MNAT1: variants seen among roughly 807,000 people sequenced by gnomAD.
The protein encoded by MNAT1 is CDK-activating kinase assembly factor MAT1.
A neutral mutation model predicts 42.0 loss-of-function variants in MNAT1; 43 were observed. That is an observed-to-expected ratio of 1.02 (90% CI 0.80 to 1.32). MNAT1 has a LOEUF of 1.32. Among genes scored for constraint, MNAT1 ranks in the 40% most tolerant of loss-of-function variants. The pLI is 0.00. For synonymous variants in MNAT1, 118 were observed against 120.0 expected (o/e 0.98, Z 0.11); for missense variants, 306 against 350.4 (o/e 0.87, Z 1.01).
At chr14:60,813,937 C>A (rs574936351) in intron 5 of MNAT1, among the ~76,000 whole-genome samples, 3 of 152,098 alleles carry the variant, frequency 2.0e-5, no homozygotes, top group African/African-American at 7.2e-5. Context: ...GTATATTTTA[C>A]TTCTATATTT....
chr14:60,823,820 C>T (rs935341144), intron 6 of MNAT1, among the ~76,000 whole-genome samples: 3 of 151,674 alleles, frequency 2.0e-5, no homozygotes, highest in Admixed American at 6.6e-5. Context: ...GATTGTGCCA[C>T]TGCACCCTAG....
intron 7 of MNAT1, among the ~76,000 whole-genome samples, chr14:60,892,978 G>A (rs550586400): frequency 1.3e-5 from 2 of 152,090 alleles, no homozygotes; most frequent in African/African-American, 4.8e-5. Flanking sequence ...CTTAAATTAT[G>A]TAGAAAACAA....
chr14:60,908,459 T>C (rs1430591205), intron 7 of MNAT1, among the ~76,000 whole-genome samples: 1 of 152,144 alleles, frequency 6.6e-6, no homozygotes, highest in Non-Finnish European at 1.5e-5. Context: ...CTTCTAATGC[T>C]ATCCCTCCCC....
At chr14:60,826,915 G>T (rs2033072572) in intron 6 of MNAT1, among the ~76,000 whole-genome samples, 1 of 151,072 alleles carries the variant, frequency 6.6e-6, no homozygotes, top group Admixed American at 6.6e-5. Context: ...GATAATTTGT[G>T]TCAATAAATA....
intron 7 of MNAT1, among the ~76,000 whole-genome samples, chr14:60,934,461 C>A (rs1363575267): frequency 4.6e-5 from 7 of 152,022 alleles, no homozygotes; most frequent in Admixed American, 4.6e-4. Flanking sequence ...TGGGAGGGAC[C>A]CAGTAGGAGG....
intron 7 of MNAT1, among the ~76,000 whole-genome samples, chr14:60,927,591 AT>A (rs2035792852): frequency 6.6e-6 from 1 of 152,142 alleles, no homozygotes; most frequent in East Asian, 1.9e-4. Context: ...ATTCTTAATA[AT>A]TTTATGTTTA....
At chr14:60,910,780 A>G (rs1222573380) in intron 7 of MNAT1, among the ~76,000 whole-genome samples, 1 of 152,114 alleles carries the variant, frequency 6.6e-6, no homozygotes, top group Non-Finnish European at 1.5e-5. Context: ...TTGGTCTAAA[A>G]TTCTCTTTTT....
At chr14:60,741,639 G>A (rs1486600962) in intron 1 of MNAT1, among the ~76,000 whole-genome samples, 3 of 147,898 alleles carry the variant, frequency 2.0e-5, no homozygotes, top group East Asian at 2.0e-4. Context: ...GATTACAGGC[G>A]TGAGCCACTG....
chr14:60,928,320 C>T (rs1366065036), intron 7 of MNAT1, among the ~76,000 whole-genome samples: 6 of 152,102 alleles, frequency 3.9e-5, no homozygotes, highest in African/African-American at 1.4e-4. Context: ...ATTAATAATG[C>T]TGCTATAAAT....
At chr14:60,847,167 G>T (rs1299756632) in intron 6 of MNAT1, among the ~76,000 whole-genome samples, 2 of 152,098 alleles carry the variant, frequency 1.3e-5, no homozygotes, top group African/African-American at 4.8e-5. Context: ...CACTTTGGGA[G>T]GCCGAGGCGG....
chr14:60,748,369 T>G (rs72722239), intron 1 of MNAT1, among the ~76,000 whole-genome samples: 1,833 of 152,228 alleles, frequency 0.012, 24 homozygotes, highest in Non-Finnish European at 0.016. Flanking sequence ...TAGCTGCGAC[T>G]CCAGGTTGGC....
chr14:60,909,044 G>T lies in MNAT1; in HGVS notation c.809+29209G>T, dbSNP rs148344558. 5.1e-3 allele frequency among the ~76,000 whole-genome samples: 779 copies of T among 152,240 alleles called. 14 individuals carry two copies. Among genetic ancestry groups the T allele is most frequent in the African/African-American group, 0.018 (731 of 41,534 alleles). ...CTGGTGTGAGATGGTATCTCATTGTGGTTTTGATTTGCATTTCTCTGATGG... is the reference window on the plus strand; with the variant it reads ...CTGGTGTGAGATGGTATCTCATTGTTGTTTTGATTTGCATTTCTCTGATGG... On this transcript the variant is annotated intron_variant, in intron 7 of 7. Transcript: ENST00000261245.
At chr14:60,769,675 A>T (rs2030978277) in intron 1 of MNAT1, among the ~76,000 whole-genome samples, 2 of 152,080 alleles carry the variant, frequency 1.3e-5, no homozygotes, top group South Asian at 4.1e-4. Flanking sequence ...TTTTTTTTAG[A>T]GACAGGGCCT....
chr14:60,865,425 G>C (rs2034182399), intron 6 of MNAT1, among the ~76,000 whole-genome samples: 2 of 152,100 alleles, frequency 1.3e-5, no homozygotes, highest in South Asian at 4.1e-4. Flanking sequence ...AATGCTCTAT[G>C]CCTGAAAGTT....
chr14:60,799,691 AT>A (rs2032138875), intron 3 of MNAT1, among the ~76,000 whole-genome samples: 2 of 150,628 alleles, frequency 1.3e-5, no homozygotes, highest in African/African-American at 4.9e-5. Context: ...CTGAGCTATG[AT>A]TAAAAAAATA....
intron 6 of MNAT1, among the ~76,000 whole-genome samples, chr14:60,859,181 T>C (rs1240934183): frequency 2.0e-5 from 3 of 152,248 alleles, no homozygotes; most frequent in Admixed American, 2.0e-4. Flanking sequence ...AGGTGTATAC[T>C]TCAGTGGATT....
chr14:60,875,837 A>G lies in MNAT1; in HGVS notation c.688-3877A>G, dbSNP rs570222416. ...TTAAGAAAGCTTGTCTTCCTTAAGT[A>G]TTATCTTCCTTGGAAGGTAATCCAG... On this transcript the variant is annotated intron_variant, in intron 6 of 7. Transcript: ENST00000261245. 9.2e-5 allele frequency among the ~76,000 whole-genome samples: 14 copies of G among 152,200 alleles called. No individual in the cohort carries two copies. In the East Asian group the frequency reaches 1.4e-3, roughly 15 times the overall value.
intron 1 of MNAT1, among the ~76,000 whole-genome samples, chr14:60,765,648 T>C (rs1339659804): frequency 6.6e-6 from 1 of 152,146 alleles, no homozygotes; most frequent in Non-Finnish European, 1.5e-5. Flanking sequence ...TAAAAAACAA[T>C]AGAGCTTTCA....
rs149459979 is a variant in MNAT1, at chr14:60,960,635, TTCTATTTC to T, written c.810-7590_810-7583del. ...CCCACCCTTAATTGCTTCTCCAGTT[TTCTATTTC>T]TCTGTGAGGGCATCTTCCCTGATCT... On this transcript the variant is annotated intron_variant, in intron 7 of 7. Transcript: ENST00000261245. Among the ~76,000 whole-genome samples, 516 of 152,288 alleles carry T rather than the reference TTCTATTTC, an allele frequency of 3.4e-3. 3 individuals carry two copies. The highest frequency in any genetic ancestry group is 0.011 in the African/African-American group (449 of 41,558).
Sources: gnomAD v4.1 joint callset for allele counts (sites outside exome capture counted in the v4.1 genomes callset) on GRCh38, gnomAD v4.1.1 for gene constraint, MANE v1.5 for transcripts, NCBI Gene and HGNC (gene_info 2026-07-23, HGNC 2026-07-21) for gene names.